The following NTRK3 variants were observed in gnomAD, a reference collection of about 807,000 sequenced individuals.
NTRK3 encodes the protein NT-3 growth factor receptor.
A neutral mutation model predicts 91.7 loss-of-function variants in NTRK3; 24 were observed. The ratio of observed to expected loss-of-function variants is 0.26; its 90% CI spans 0.19 to 0.37. The LOEUF (loss-of-function observed/expected upper bound fraction) is 0.37, where lower values mean the gene tolerates loss of function less well. Ranked by LOEUF, NTRK3 falls within the 10% of genes least tolerant of loss-of-function variation. The pLI is 1.00. For missense variants in NTRK3, 880 were observed against 1,068.9 expected (o/e 0.82, Z 2.46); for synonymous variants, 483 against 404.0 (o/e 1.20, Z -2.34).
At chr15:87,964,300 A>G (rs989167491) in intron 14 of NTRK3, among the ~76,000 whole-genome samples, 2 of 151,930 alleles carry the variant, frequency 1.3e-5, no homozygotes, top group Admixed American at 6.6e-5. Flanking sequence ...ATAGACAGAT[A>G]GATCAATCTG....
intron 13 of NTRK3, among the ~76,000 whole-genome samples, chr15:88,049,642 C>A (rs1000160317): frequency 6.6e-6 from 1 of 152,208 alleles, no homozygotes; most frequent in Non-Finnish European, 1.5e-5. Context: ...TCTGAAACTG[C>A]TGAGTTCCCA....
intron 13 of NTRK3, among the ~76,000 whole-genome samples, chr15:88,055,497 C>T (rs2045600192): frequency 6.6e-6 from 1 of 152,134 alleles, no homozygotes; most frequent in South Asian, 2.1e-4. Flanking sequence ...ACATCATCAT[C>T]ATTATAATCT....
At chr15:88,138,474 G>C (rs1043261151) in intron 6 of NTRK3, among the ~76,000 whole-genome samples, 1 of 152,048 alleles carries the variant, frequency 6.6e-6, no homozygotes, top group Non-Finnish European at 1.5e-5. Flanking sequence ...CCCTCCAATG[G>C]CCTTCCATCT....
At chr15:87,967,543 T>C (rs1056140022) in intron 14 of NTRK3, among the ~76,000 whole-genome samples, 2 of 152,174 alleles carry the variant, frequency 1.3e-5, no homozygotes, top group African/African-American at 4.8e-5. Flanking sequence ...CAATGAGAGC[T>C]ACAGTGCAAT....
intron 13 of NTRK3, among the ~76,000 whole-genome samples, chr15:88,076,108 A>G (rs1327250866): frequency 6.6e-6 from 1 of 152,178 alleles, no homozygotes; most frequent in African/African-American, 2.4e-5. Flanking sequence ...TATAAAGAAA[A>G]AGAGGTTTAA....
At chr15:88,037,881 G>A (rs912308065) in intron 13 of NTRK3, among the ~76,000 whole-genome samples, 7 of 152,090 alleles carry the variant, frequency 4.6e-5, no homozygotes, top group African/African-American at 1.7e-4. Flanking sequence ...TTTTAAAGAC[G>A]GGGGCATTAC....
At chr15:87,984,819 T>G (rs2074601016) in intron 14 of NTRK3, among the ~76,000 whole-genome samples, 1 of 152,176 alleles carries the variant, frequency 6.6e-6, no homozygotes, top group African/African-American at 2.4e-5. Flanking sequence ...CCCACTGCGG[T>G]AGCCACTCAG....
chr15:88,144,368 T>TC (rs1482818199), intron 6 of NTRK3, among the ~76,000 whole-genome samples: 1 of 152,006 alleles, frequency 6.6e-6, no homozygotes, highest in African/African-American at 2.4e-5. Context: ...GCCAAGACCA[T>TC]CTCCCTCATC....
At chr15:88,065,142 A>G (rs568026977) in intron 13 of NTRK3, among the ~76,000 whole-genome samples, 5 of 152,080 alleles carry the variant, frequency 3.3e-5, no homozygotes, top group Admixed American at 6.5e-5. Flanking sequence ...TCCTCTACCC[A>G]TGATAGAAAG....
intron 17 of NTRK3, among the ~76,000 whole-genome samples, chr15:87,913,073 G>C (rs534303771): frequency 6.6e-6 from 1 of 150,546 alleles, no homozygotes; most frequent in Admixed American, 6.6e-5. Context: ...CACCTTGGCA[G>C]TGTGTAAAGG....
chr15:88,095,494 C>T (rs968772834), intron 13 of NTRK3, among the ~76,000 whole-genome samples: 1 of 152,160 alleles, frequency 6.6e-6, no homozygotes, highest in African/African-American at 2.4e-5. Context: ...TGCTTGGAGT[C>T]AGAAGGAGGA....
intron 13 of NTRK3, among the ~76,000 whole-genome samples, chr15:88,067,618 A>AG: frequency 6.6e-6 from 1 of 152,306 alleles, no homozygotes; most frequent in East Asian, 1.9e-4. Flanking sequence ...GAGGTCAGAG[A>AG]GGACGTGGGA....
At chr15:88,109,701 G>A (rs1219808204) in intron 13 of NTRK3, among the ~76,000 whole-genome samples, 3 of 152,140 alleles carry the variant, frequency 2.0e-5, no homozygotes, top group Non-Finnish European at 4.4e-5. Context: ...AATCACCTGA[G>A]CAGCTATAGA....
At chr15:87,943,548 C>T (rs1197063323) in intron 14 of NTRK3, among the ~76,000 whole-genome samples, 1 of 152,130 alleles carries the variant, frequency 6.6e-6, no homozygotes, top group Non-Finnish European at 1.5e-5. Flanking sequence ...TGGGAGACCT[C>T]ACCAGCTCCA....
At chr15:88,021,670 T>C (rs948124879) in intron 14 of NTRK3, among the ~76,000 whole-genome samples, 7 of 152,208 alleles carry the variant, frequency 4.6e-5, no homozygotes, top group African/African-American at 1.2e-4. Context: ...GGAGAGAAGA[T>C]GGAAGAGCAG....
intron 16 of NTRK3, among the ~76,000 whole-genome samples, chr15:87,930,595 C>T (rs2068709830): frequency 6.6e-6 from 1 of 152,282 alleles, no homozygotes; most frequent in Admixed American, 6.5e-5. Context: ...TGCCTCTCAA[C>T]ACCACCAATA....
chr15:87,997,507 G>A (rs527883701), intron 14 of NTRK3, among the ~76,000 whole-genome samples: 1 of 152,164 alleles, frequency 6.6e-6, no homozygotes, highest in Admixed American at 6.5e-5. Context: ...GGCCTGGAGG[G>A]AAATCTTACC....
At chr15:87,942,464 CCT>C (rs2069976698) in intron 14 of NTRK3, among the ~76,000 whole-genome samples, 2 of 152,108 alleles carry the variant, frequency 1.3e-5, no homozygotes, top group Admixed American at 6.5e-5. Flanking sequence ...GAAGTCAGGC[CCT>C]CTCTCGGGAG....
intron 5 of NTRK3, among the ~76,000 whole-genome samples, chr15:88,180,320 A>G (rs2046344395): frequency 6.6e-6 from 1 of 152,202 alleles, no homozygotes; most frequent in Non-Finnish European, 1.5e-5. Flanking sequence ...CCATCTCTCA[A>G]AAAAGGGTTT....
Sources: gnomAD v4.1 joint callset for allele counts (sites outside exome capture counted in the v4.1 genomes callset) on GRCh38, gnomAD v4.1.1 for gene constraint, MANE v1.5 for transcripts, NCBI Gene and HGNC (gene_info 2026-07-23, HGNC 2026-07-21) for gene names.